Variants in HELZ observed in about 807,000 individuals in gnomAD.
HELZ encodes the protein ATP-dependent RNA helicase with zinc finger domain.
Under a neutral mutation model 218.2 loss-of-function variants are expected in HELZ, and 23 were observed. That is an observed-to-expected ratio of 0.11 (90% confidence interval 0.08 to 0.15). HELZ has a LOEUF of 0.15. HELZ is among the 10% of genes least tolerant of loss of function. HELZ has a pLI of 1.00. For missense variants in HELZ, 1,813 were observed against 2,353.7 expected, an observed-to-expected ratio of 0.77 and a Z score of 4.75; for synonymous variants, 814 against 829.4, an observed-to-expected ratio of 0.98 and a Z score of 0.32.
chr17:67,223,271 AAAG>A (rs951192350), intron 3 of HELZ, among the ~76,000 whole-genome samples: 7 of 151,840 alleles, frequency 4.6e-5, no homozygotes, highest in South Asian at 2.1e-4. Context: ...AAAAAGAAAA[AAAG>A]AAGATACTAA....
chr17:67,156,930 C>G (rs1185074618), intron 17 of HELZ, among the ~76,000 whole-genome samples: 1 of 152,118 alleles, frequency 6.6e-6, no homozygotes, highest in East Asian at 1.9e-4. Context: ...GTGTCTGAAT[C>G]ATGGCGGCAG....
At chr17:67,104,503 G>A (rs1352645241) in intron 31 of HELZ, among the ~76,000 whole-genome samples, 1 of 151,056 alleles carries the variant, frequency 6.6e-6, no homozygotes, top group African/African-American at 2.4e-5. Flanking sequence ...CTTGGATTAG[G>A]CCAGGGTTTC....
At chr17:67,168,743 G>A (rs747977799) in intron 13 of HELZ, among the ~76,000 whole-genome samples, 5 of 152,194 alleles carry the variant, frequency 3.3e-5, no homozygotes, top group African/African-American at 7.2e-5. Flanking sequence ...GTGCACGTGA[G>A]TATGAGAGAG....
At chr17:67,217,428 C>G (rs2040628660) in intron 4 of HELZ, among the ~76,000 whole-genome samples, 1 of 152,220 alleles carries the variant, frequency 6.6e-6, no homozygotes, top group Non-Finnish European at 1.5e-5. Context: ...AGTCTCCAAT[C>G]TAGTCTCCTT....
intron 31 of HELZ, among the ~76,000 whole-genome samples, 184 bp downstream of exon 31, chr17:67,106,985 A>G (rs1365469536): frequency 6.6e-6 from 1 of 152,340 alleles, no homozygotes; most frequent in East Asian, 1.9e-4. Context: ...TTTCAACAAA[A>G]GTGTCCACTT....
At chr17:67,083,411 GCGGA>G (rs2036259067) in intron 32 of HELZ, among the ~76,000 whole-genome samples, 1 of 152,152 alleles carries the variant, frequency 6.6e-6, no homozygotes, top group Non-Finnish European at 1.5e-5. Context: ...GGAGGCTGAG[GCGGA>G]CAGATCATGA....
intron 3 of HELZ, among the ~76,000 whole-genome samples, chr17:67,237,765 G>C (rs964490274): frequency 6.6e-6 from 1 of 151,986 alleles, no homozygotes; most frequent in Non-Finnish European, 1.5e-5. Context: ...AAGGCGGGTG[G>C]ATCACTTGAG....
intron 12 of HELZ, among the ~76,000 whole-genome samples, chr17:67,187,395 A>C (rs1012418187): frequency 6.6e-6 from 1 of 152,188 alleles, no homozygotes; most frequent in African/African-American, 2.4e-5. Context: ...ACTAGCAGCT[A>C]AAGTAAAGAG....
At position 67,075,740 on chromosome 17, in the gene HELZ, A is replaced by G. The variant is rs1231598515; in HGVS notation, c.*2512T>C. The G allele has an allele frequency of 2.0e-5, 3 of 152,434 alleles. No individual in the cohort carries two copies. The highest frequency in any genetic ancestry group is 7.2e-5 in the African/African-American group (3 of 41,478). The allele number at this position is 152,434 out of a possible 1,614,324, so 9.4% of individuals were successfully genotyped here. ...GTAAGTCAAAATAAGCATTTGATGC[A>G]GAATCTAAGAAGAGTATCAGATGGA... On this transcript the variant is annotated 3_prime_UTR_variant, in exon 33 of 33. Transcript: ENST00000358691.
intron 31 of HELZ, among the ~76,000 whole-genome samples, chr17:67,104,979 C>T (rs574409036): frequency 6.6e-6 from 1 of 151,834 alleles, no homozygotes; most frequent in Non-Finnish European, 1.5e-5. Context: ...ACAACAACAA[C>T]AAAATTAGCT....
intron 7 of HELZ, among the ~76,000 whole-genome samples, chr17:67,198,669 A>T (rs1459030496): frequency 1.3e-5 from 2 of 152,230 alleles, no homozygotes; most frequent in Non-Finnish European, 2.9e-5. Context: ...TTCATAAATC[A>T]GTCTTGAGTT....
At chr17:67,173,248 A>G (rs1462359153) in intron 13 of HELZ, among the ~76,000 whole-genome samples, 3 of 152,264 alleles carry the variant, frequency 2.0e-5, no homozygotes, top group Non-Finnish European at 4.4e-5. Context: ...AAATTATGTT[A>G]GTAATCTTAA....
At chr17:67,113,513 G>A (rs1033758183) in intron 28 of HELZ, among the ~76,000 whole-genome samples, 1 of 152,148 alleles carries the variant, frequency 6.6e-6, no homozygotes, top group African/African-American at 2.4e-5. Context: ...ACCCGCCTTG[G>A]CCTCTCAAAG....
At chr17:67,170,385 C>T (rs2039272123) in intron 13 of HELZ, among the ~76,000 whole-genome samples, 1 of 152,210 alleles carries the variant, frequency 6.6e-6, no homozygotes. Flanking sequence ...CGTGGTGGCA[C>T]ATGCCTGTAA....
At chr17:67,118,574 G>C (rs745310051) in intron 27 of HELZ, among the ~76,000 whole-genome samples, 1 of 150,952 alleles carries the variant, frequency 6.6e-6, no homozygotes, top group Admixed American at 6.6e-5. Context: ...ATGAAAGCTA[G>C]ACACAGTGGC....
intron 3 of HELZ, among the ~76,000 whole-genome samples, chr17:67,230,362 C>T (rs2041003720): frequency 6.6e-6 from 1 of 152,094 alleles, no homozygotes; most frequent in Non-Finnish European, 1.5e-5. Flanking sequence ...CTTTGGGAGG[C>T]CGAGGCAGGC....
chr17:67,197,987 C>G (rs2040074897), intron 7 of HELZ, among the ~76,000 whole-genome samples: 2 of 151,966 alleles, frequency 1.3e-5, no homozygotes, highest in South Asian at 4.1e-4. Context: ...TAAAAAAAAG[C>G]CATTAAAAGA....
intron 22 of HELZ, among the ~76,000 whole-genome samples, chr17:67,137,583 C>G (rs961663705): frequency 1.4e-4 from 21 of 152,188 alleles, no homozygotes; most frequent in African/African-American, 4.8e-4. Context: ...TTAGAAAAGT[C>G]TATACATAAA....
At chr17:67,081,607 G>A (rs371725977) in intron 32 of HELZ, among the ~76,000 whole-genome samples, 1 of 152,212 alleles carries the variant, frequency 6.6e-6, no homozygotes, top group South Asian at 2.1e-4. Flanking sequence ...CCTTGAGGGA[G>A]AGGACCATGC....
Sources: gnomAD v4.1 joint callset for allele counts (sites outside exome capture counted in the v4.1 genomes callset) on GRCh38, gnomAD v4.1.1 for gene constraint, MANE v1.5 for transcripts, NCBI Gene and HGNC (gene_info 2026-07-23, HGNC 2026-07-21) for gene names.